The following RHOU variants were observed in gnomAD, a reference collection of about 807,000 sequenced individuals.
RHOU encodes the protein ras homolog family member U, also known as rho-related GTP-binding protein RhoU.
In RHOU, 8 loss-of-function variants were observed where a neutral mutation model predicts 12.6. That is an observed-to-expected ratio of 0.64 (90% CI 0.37 to 1.15). RHOU has a LOEUF of 1.15. RHOU is among the 50% of genes most tolerant of loss of function. The pLI, the probability that RHOU is intolerant of heterozygous loss-of-function variation, is 0.01. For synonymous variants in RHOU, 161 were observed against 147.4 expected (o/e 1.09, Z -0.67); for missense variants, 258 against 347.0 (o/e 0.74, Z 2.04).
At chr1:228,649,339 T>A in the RHOU span, among the ~76,000 whole-genome samples, 1 of 152,242 alleles carries the variant, frequency 6.6e-6, no homozygotes, top group Non-Finnish European at 1.5e-5. Flanking sequence ...TAAATGTGCT[T>A]TCTGGAGGCT....
chr1:228,727,262 T>C, the RHOU span, among the ~76,000 whole-genome samples: 1 of 152,202 alleles, frequency 6.6e-6, no homozygotes, highest in African/African-American at 2.4e-5. Context: ...ATGCATATGA[T>C]AGAGAAAACA....
chr1:228,649,015 C>A, the RHOU span, among the ~76,000 whole-genome samples: 3 of 152,092 alleles, frequency 2.0e-5, no homozygotes, highest in Admixed American at 1.3e-4. Context: ...AGGCGCGCAC[C>A]AACCTCGCCT....
At chr1:228,730,997 A>C (rs1383025012), upstream of RHOU, among the ~76,000 whole-genome samples, 1 of 152,234 alleles carries the variant, frequency 6.6e-6, no homozygotes, top group Non-Finnish European at 1.5e-5. Context: ...TGGAAAGTCT[A>C]TTAGGACCTT....
the RHOU span, among the ~76,000 whole-genome samples, chr1:228,695,943 C>G: frequency 1.3e-5 from 2 of 152,210 alleles, no homozygotes; most frequent in African/African-American, 4.8e-5. Context: ...AGTCCTGAAG[C>G]TGCCTAGGGG....
rs1338196677 is a variant in RHOU, at chr1:228,738,417, A to G, written c.321+686A>G. On this transcript the variant is annotated intron_variant, in intron 2 of 2. Coordinates refer to ENST00000366691, the MANE Select transcript of RHOU (RefSeq NM_021205.6). This position sits in a 1 kb window ranked among gnomAD's most constrained non-coding sequence, Gnocchi z 4.2. ...GCCCCCATTGGTGGGTACTCGAGTCATTGAAGTCAGGCTGTGCCTTGTGAA... is the reference window on the plus strand; with the variant it reads ...GCCCCCATTGGTGGGTACTCGAGTCGTTGAAGTCAGGCTGTGCCTTGTGAA... Among the ~76,000 whole-genome samples, 1 of 152,188 alleles carries G rather than the reference A, an allele frequency of 6.6e-6. No individual in the cohort carries two copies. The highest frequency in any genetic ancestry group is 1.5e-5 in the Non-Finnish European group (1 of 68,032).
Position 228,743,120 on chromosome 1 carries a change from C to T in RHOU, c.322-165C>T, listed in dbSNP as rs1318415236. On this transcript the variant is annotated intron_variant, in intron 2 of 2. Transcript: ENST00000366691. This position sits in a 1 kb window ranked among gnomAD's most constrained non-coding sequence, Gnocchi z 5.1. The stretch of plus-strand genomic sequence containing the variant: ...CACACCTTCGCTGGTGCACTGGCCC[C>T]GCTTGGGTAAACAGTAGGATCGTTT... Among the ~76,000 whole-genome samples the T allele has an allele frequency of 4.6e-5, 7 of 152,166 alleles. No homozygotes were observed. Among genetic ancestry groups the T allele is most frequent in the Non-Finnish European group, 7.3e-5 (5 of 68,036 alleles).
chr1:228,706,867 A>T, the RHOU span, among the ~76,000 whole-genome samples: 9 of 151,954 alleles, frequency 5.9e-5, no homozygotes, highest in South Asian at 1.9e-3. Flanking sequence ...TTTTACTGGT[A>T]CATGATCAAA....
At chr1:228,701,353 G>A in the RHOU span, among the ~76,000 whole-genome samples, 1 of 152,118 alleles carries the variant, frequency 6.6e-6, no homozygotes, top group African/African-American at 2.4e-5. Flanking sequence ...TTGATTAGAG[G>A]AGACCCAGTC....
At chr1:228,729,116 G>A in the RHOU span, among the ~76,000 whole-genome samples, 26 of 152,016 alleles carry the variant, frequency 1.7e-4, no homozygotes, top group African/African-American at 4.8e-4. Context: ...GGCTGTGCTC[G>A]AACTCCTGAC....
chr1:228,726,926 A>G, the RHOU span, among the ~76,000 whole-genome samples: 1 of 152,244 alleles, frequency 6.6e-6, no homozygotes, highest in African/African-American at 2.4e-5. Flanking sequence ...ACCTGGTCAG[A>G]GTAGGGTTGA....
the RHOU span, among the ~76,000 whole-genome samples, chr1:228,657,297 AAAAAAGG>A: frequency 1.3e-5 from 2 of 149,752 alleles, no homozygotes; most frequent in African/African-American, 4.9e-5. Context: ...AAAAAAAAAA[AAAAAAGG>A]AAAAAGAAAA....
the RHOU span, among the ~76,000 whole-genome samples, chr1:228,671,735 A>AAG: frequency 1.3e-5 from 2 of 150,456 alleles, no homozygotes; most frequent in Non-Finnish European, 3.0e-5. Context: ...AAAAAAAAAA[A>AAG]GAGAACTAAG....
chr1:228,727,557 T>C, the RHOU span, among the ~76,000 whole-genome samples: 1 of 152,232 alleles, frequency 6.6e-6, no homozygotes, highest in Non-Finnish European at 1.5e-5. Context: ...CAGATTTATA[T>C]GGCATTTGGA....
the RHOU span, among the ~76,000 whole-genome samples, chr1:228,648,396 A>C: frequency 1.3e-5 from 2 of 152,064 alleles, no homozygotes; most frequent in Non-Finnish European, 2.9e-5. Flanking sequence ...GGAGCTCCAG[A>C]GCTTCCATGA....
chr1:228,660,853 A>C, the RHOU span, among the ~76,000 whole-genome samples: 1 of 151,354 alleles, frequency 6.6e-6, no homozygotes, highest in African/African-American at 2.4e-5. Context: ...GAATTGCTTG[A>C]ACCCAGGAGG....
In RHOU at chr1:228,743,882, G is replaced by A. The variant is rs1662774322; in HGVS notation, c.*142G>A. On this transcript the variant is annotated 3_prime_UTR_variant, in exon 3 of 3. Coordinates refer to ENST00000366691, the MANE Select transcript of RHOU (RefSeq NM_021205.6). The surrounding 1 kb of genome is among the most constrained non-coding windows in gnomAD (Gnocchi z 5.1). ...TTATAGGAGGAGCTCTCAATTTTATGTATTCTTTCTGCCTTTAATTTTCTT... is the reference window on the plus strand; with the variant it reads ...TTATAGGAGGAGCTCTCAATTTTATATATTCTTTCTGCCTTTAATTTTCTT... The A allele has an allele frequency of 1.5e-6, 1 of 680,614 alleles. No homozygotes were observed. Among genetic ancestry groups the A allele is most frequent in the Non-Finnish European group, 2.4e-6 (1 of 418,640 alleles). 42.2% of individuals were successfully genotyped at this position (680,614 alleles called of 1,614,324 possible). A position where few individuals can be genotyped will look rare whatever the true frequency, so the allele number is the denominator to read the frequency against.
chr1:228,682,499 G>T, the RHOU span, among the ~76,000 whole-genome samples: 13 of 152,296 alleles, frequency 8.5e-5, no homozygotes, highest in South Asian at 2.7e-3. Flanking sequence ...GCAGGTTTTG[G>T]GATAGGCGGT....
Position 228,737,816 on chromosome 1 carries a change from A to G in RHOU, c.321+85A>G. 17 of 1,424,266 alleles carry G rather than the reference A, an allele frequency of 1.2e-5. No individual in the cohort carries two copies. The highest frequency in any genetic ancestry group is 1.5e-5 in the Non-Finnish European group (15 of 1,012,922). The allele number at this position is 1,424,266 out of a possible 1,614,324, so 88.2% of individuals were successfully genotyped here. A position where few individuals can be genotyped will look rare whatever the true frequency, so the allele number is the denominator to read the frequency against. On this transcript the variant is annotated intron_variant, in intron 2 of 2. Coordinates refer to ENST00000366691, the MANE Select transcript of RHOU (RefSeq NM_021205.6). The surrounding 1 kb of genome is among the most constrained non-coding windows in gnomAD (Gnocchi z 4.1). Reference sequence around the variant, plus strand: ...ATAACCTTTGATTCCCTCAGTCAGTAACTGGGTCATTCTAAAGCCTCATGA... The same window carrying G: ...ATAACCTTTGATTCCCTCAGTCAGTGACTGGGTCATTCTAAAGCCTCATGA...
At chr1:228,665,538 G>A in the RHOU span, among the ~76,000 whole-genome samples, 3 of 152,220 alleles carry the variant, frequency 2.0e-5, no homozygotes, top group Admixed American at 6.5e-5. Flanking sequence ...CTTTGGTAGA[G>A]TGGAGTGGGG....
Sources: gnomAD v4.1 joint callset for allele counts (sites outside exome capture counted in the v4.1 genomes callset) on GRCh38, gnomAD v4.1.1 for gene constraint, Gnocchi (gnomAD v3.1) non-coding constraint, MANE v1.5 for transcripts, NCBI Gene and HGNC (gene_info 2026-07-23, HGNC 2026-07-21) for gene names.